Variants in ZNF680 observed in about 807,000 individuals in gnomAD.
ZNF680 encodes the protein zinc finger protein 680.
In ZNF680, 6 loss-of-function variants were observed where a neutral mutation model predicts 12.1. The observed-to-expected ratio is 0.49, with a 90% CI of 0.27 to 0.98. The LOEUF (loss-of-function observed/expected upper bound fraction) is 0.98. Among genes scored for constraint, ZNF680 ranks in the 50% least tolerant of loss-of-function variants. The pLI is 0.12. For synonymous variants in ZNF680, 170 were observed against 199.3 expected (o/e 0.85, Z 1.24); for missense variants, 561 against 616.3 (o/e 0.91, Z 0.95).
intron 3 of ZNF680, among the ~76,000 whole-genome samples, chr7:64,542,582 GATT>G (rs1786562953): frequency 6.6e-6 from 1 of 152,006 alleles, no homozygotes; most frequent in African/African-American, 2.4e-5. Context: ...AAAGCAAACT[GATT>G]ATTAAGAAAA....
chr7:64,545,481 C>G (rs1280599365), intron 1 of ZNF680, among the ~76,000 whole-genome samples: 1 of 152,118 alleles, frequency 6.6e-6, no homozygotes, highest in Non-Finnish European at 1.5e-5. Flanking sequence ...TGTCAGACAG[C>G]TCTTTAGCCA....
chr7:64,519,589 AC>A (rs1210234377), downstream of ZNF680, among the ~76,000 whole-genome samples: 1 of 151,902 alleles, frequency 6.6e-6, no homozygotes, highest in African/African-American at 2.4e-5. Flanking sequence ...TGTTTCGATG[AC>A]TAAAGCTTTA....
chr7:64,521,108 T>C lies in ZNF680; in HGVS notation c.*53A>G. 3 of 1,511,266 alleles carry C rather than the reference T, an allele frequency of 2.0e-6. No individual in the cohort carries two copies. Among genetic ancestry groups the C allele is most frequent in the Non-Finnish European group, 2.7e-6 (3 of 1,125,184 alleles). 93.6% of individuals were successfully genotyped at this position (1,511,266 alleles called of 1,614,324 possible). The stretch of plus-strand genomic sequence containing the variant: ...TCATTGGAAGGCTTTGTCAAATTCT[T>C]CACATTTTTAGGGTTTCTCAACAGG... On this transcript the variant is annotated 3_prime_UTR_variant, in exon 4 of 4. Coordinates refer to ENST00000309683, the MANE Select transcript of ZNF680 (RefSeq NM_178558.5).
intron 1 of ZNF680, among the ~76,000 whole-genome samples, chr7:64,546,663 A>C (rs1417441207): frequency 6.6e-6 from 1 of 152,214 alleles, no homozygotes; most frequent in African/African-American, 2.4e-5. Context: ...GAATTGCTAG[A>C]ACCTGGAAGG....
chr7:64,505,408 T>C, the ZNF680 span, among the ~76,000 whole-genome samples: 2 of 152,238 alleles, frequency 1.3e-5, no homozygotes, highest in African/African-American at 2.4e-5. Flanking sequence ...GTCTTCAAGG[T>C]ATTTCAATTG....
chr7:64,544,956 C>T (rs1011595306), intron 1 of ZNF680, among the ~76,000 whole-genome samples: 1 of 152,090 alleles, frequency 6.6e-6, no homozygotes, highest in Non-Finnish European at 1.5e-5. Flanking sequence ...CAAACATCCA[C>T]TAAGTAAAAG....
chr7:64,521,119 G>C lies in ZNF680; in HGVS notation c.*42C>G. The C allele has an allele frequency of 1.3e-6, 2 of 1,530,904 alleles. No homozygotes were observed. The highest frequency in any genetic ancestry group is 1.8e-6 in the Non-Finnish European group (2 of 1,138,842). 94.8% of individuals were successfully genotyped at this position (1,530,904 alleles called of 1,614,324 possible). A position where few individuals can be genotyped will look rare whatever the true frequency, so the allele number is the denominator to read the frequency against. On this transcript the variant is annotated 3_prime_UTR_variant, in exon 4 of 4. Coordinates refer to ENST00000309683, the MANE Select transcript of ZNF680 (RefSeq NM_178558.5). ...CTTTGTCAAATTCTTCACATTTTTA[G>C]GGTTTCTCAACAGGATGGTGTCTTT...
chr7:64,554,202 G>A (rs552087729), intron 1 of ZNF680, among the ~76,000 whole-genome samples: 239 of 147,174 alleles, frequency 1.6e-3, no homozygotes, highest in African/African-American at 5.4e-3. Context: ...CCGCCGCCCC[G>A]TCTGAGATGT....
the ZNF680 span, among the ~76,000 whole-genome samples, chr7:64,500,308 G>GA: frequency 6.6e-6 from 1 of 151,796 alleles, no homozygotes; most frequent in Non-Finnish European, 1.5e-5. Flanking sequence ...ATAAAAAAAG[G>GA]AAAAAAGATA....
Position 64,541,454 on chromosome 7 carries a change from A to AC in ZNF680, c.253+2252_253+2253insG, listed in dbSNP as rs1786493828. Among the ~76,000 whole-genome samples the AC allele has an allele frequency of 2.6e-5, 4 of 151,964 alleles. No homozygotes were observed. In the South Asian group the frequency reaches 6.2e-4, roughly 24 times the overall value. On this transcript the variant is annotated intron_variant, in intron 3 of 3. Coordinates refer to ENST00000309683, the MANE Select transcript of ZNF680 (RefSeq NM_178558.5). ...AGCCATGGCTCACACCTGTAATGAC[A>AC]GCTACATGGTACATTCAGGTTGGGG...
At chr7:64,526,417 A>G in intron 3 of ZNF680, 11 of 1,491,566 alleles carry the variant, frequency 7.4e-6, no homozygotes, top group Non-Finnish European at 9.8e-6. Context: ...TAGCCTGGCA[A>G]AGTGGATTAT....
intron 1 of ZNF680, among the ~76,000 whole-genome samples, chr7:64,553,342 G>C (rs1787186307): frequency 6.6e-6 from 1 of 152,108 alleles, no homozygotes; most frequent in Non-Finnish European, 1.5e-5. Context: ...TAATCCAAAT[G>C]CTTTAAGAAA....
chr7:64,503,883 G>A, the ZNF680 span, among the ~76,000 whole-genome samples: 2 of 152,024 alleles, frequency 1.3e-5, no homozygotes, highest in Admixed American at 6.6e-5. Flanking sequence ...TTCCTGGCAG[G>A]ACAGCCACTT....
chr7:64,532,686 C>T (rs1473708313), intron 3 of ZNF680, among the ~76,000 whole-genome samples: 1 of 152,164 alleles, frequency 6.6e-6, no homozygotes, highest in Non-Finnish European at 1.5e-5. Context: ...AAGCCAACAT[C>T]ATGCTAATAT....
intron 1 of ZNF680, among the ~76,000 whole-genome samples, chr7:64,549,207 G>C (rs1386832772): frequency 6.6e-6 from 1 of 151,934 alleles, no homozygotes; most frequent in Non-Finnish European, 1.5e-5. Flanking sequence ...CTAGCTCTTG[G>C]GTAAGAGGAA....
chr7:64,511,975 C>T, the ZNF680 span, among the ~76,000 whole-genome samples: 1 of 151,414 alleles, frequency 6.6e-6, no homozygotes, highest in African/African-American at 2.4e-5. Context: ...AGGAGAATCA[C>T]TTGACCCTGG....
chr7:64,501,245 AT>A, the ZNF680 span: 1 of 899,548 alleles, frequency 1.1e-6, no homozygotes, highest in Non-Finnish European at 1.9e-6. Context: ...TGCCCAGCAC[AT>A]TTTCCTCCTC....
the ZNF680 span, among the ~76,000 whole-genome samples, chr7:64,502,365 G>GT: frequency 0.23 from 34,178 of 151,810 alleles, 4,020 homozygotes; most frequent in South Asian, 0.28. Context: ...GCAGAAAGTA[G>GT]TTTTTTTCAT....
In ZNF680 at chr7:64,521,105, T is replaced by C. The variant is rs1037213396; in HGVS notation, c.*56A>G. The C allele has an allele frequency of 1.3e-6, 2 of 1,499,384 alleles. No individual in the cohort carries two copies. Among genetic ancestry groups the C allele is most frequent in the Non-Finnish European group, 1.8e-6 (2 of 1,115,248 alleles). 92.9% of individuals were successfully genotyped at this position (1,499,384 alleles called of 1,614,324 possible). On this transcript the variant is annotated 3_prime_UTR_variant, in exon 4 of 4. Transcript: ENST00000309683. The stretch of plus-strand genomic sequence containing the variant: ...CAATCATTGGAAGGCTTTGTCAAAT[T>C]CTTCACATTTTTAGGGTTTCTCAAC...
Sources: allele counts gnomAD v4.1 joint callset (sites outside exome capture counted in the v4.1 genomes callset), GRCh38; gene constraint gnomAD v4.1.1; transcripts MANE v1.5; gene names NCBI Gene and HGNC (gene_info 2026-07-23, HGNC 2026-07-21).